The following TEN1 variants were observed in gnomAD, a reference collection of about 807,000 sequenced individuals.
The protein encoded by TEN1 is TEN1 subunit of CST complex.
TEN1 carries 6 observed loss-of-function variants against 9.3 expected under a neutral mutation model. That is an observed-to-expected ratio of 0.65 (90% CI 0.35 to 1.27). The LOEUF is 1.27. Ranked by LOEUF, TEN1 falls within the 50% of genes most tolerant of loss-of-function variation. TEN1 has a pLI of 0.03. For synonymous variants in TEN1, 65 were observed against 65.6 expected (o/e 0.99, Z 0.04); for missense variants, 149 against 158.2 (o/e 0.94, Z 0.31).
rs1354251082 is a variant in TEN1, at chr17:76,000,258, A to G, written c.368A>G (p.Gln123Arg). Reference protein sequence around the residue: ...RLYKQERGGSQ With the variant: ...RLYKQERGGSR ...TACAAGCAGGAGCGGGGCGGCAGCCAGTAGGAAACAGCAGCCTAGCAACAC... is the reference window on the plus strand; with the variant it reads ...TACAAGCAGGAGCGGGGCGGCAGCCGGTAGGAAACAGCAGCCTAGCAACAC... The change falls in exon 4 of 4, where the codon CAG (glutamine) becomes CGG (arginine). Residue 123 changes from glutamine (Q) to arginine (R), a missense_variant. Physicochemically the swap from Gln to Arg is conservative, Grantham distance 43 (BLOSUM62 1). Coordinates refer to ENST00000397640, the MANE Select transcript of TEN1 (RefSeq NM_001113324.3). The surrounding 1 kb of genome is among the most constrained non-coding windows in gnomAD (Gnocchi z 5.9). 1.9e-6 allele frequency: 3 copies of G among 1,551,132 alleles called. No individual in the cohort carries two copies. The highest frequency in any genetic ancestry group is 2.0e-5 in the Admixed American group (1 of 50,970).
intron 1 of TEN1, among the ~76,000 whole-genome samples, chr17:75,980,603 T>G (rs1825339433): frequency 1.3e-5 from 2 of 152,186 alleles, no homozygotes; most frequent in Non-Finnish European, 2.9e-5. Flanking sequence ...AATTGTATTT[T>G]TAGTAGAGAC....
chr17:75,983,008 A>T (rs1487405761), intron 1 of TEN1, among the ~76,000 whole-genome samples: 1 of 149,506 alleles, frequency 6.7e-6, no homozygotes, highest in Non-Finnish European at 1.5e-5. Context: ...AGGCCCGGTG[A>T]GGTGTCTCAC....
rs1247818642 is a variant in TEN1 at position 75,979,447 on chromosome 17, TC to T, written c.-66del. On this transcript the variant is annotated 5_prime_UTR_variant, in exon 1 of 4. Coordinates refer to ENST00000397640, the MANE Select transcript of TEN1 (RefSeq NM_001113324.3). ...TAAAGCACTTTTTGTATCCCGCCCC[TC>T]CCCCGTCACGTGACCACGCGAGGCG... 5.3e-5 allele frequency: 19 copies of T among 356,280 alleles called. No individual in the cohort carries two copies. The highest frequency in any genetic ancestry group is 9.7e-5 in the Non-Finnish European group (18 of 185,106). 22.1% of individuals were successfully genotyped at this position (356,280 alleles called of 1,614,324 possible). A position where few individuals can be genotyped will look rare whatever the true frequency, so the allele number is the denominator to read the frequency against.
intron 1 of TEN1, among the ~76,000 whole-genome samples, chr17:75,980,292 T>C (rs1029772952): frequency 5.3e-5 from 8 of 152,118 alleles, no homozygotes; most frequent in Non-Finnish European, 5.9e-5. Flanking sequence ...TGAGCCAAGA[T>C]TGTGACATTG....
In TEN1 at chr17:75,981,432, T is replaced by C. The variant is rs2066118870; in HGVS notation, c.-7+1921T>C. Among the ~76,000 whole-genome samples, 4 of 152,058 alleles carry C rather than the reference T, an allele frequency of 2.6e-5. No individual in the cohort carries two copies. The South Asian group carries it at 8.3e-4, about 32-fold the overall frequency. ...CAACTCCTGGCCTCATGTGATCCGCTCGCCTCAGCCTTCCAAAGTGCTGAG... is the reference window on the plus strand; with the variant it reads ...CAACTCCTGGCCTCATGTGATCCGCCCGCCTCAGCCTTCCAAAGTGCTGAG... On this transcript the variant is annotated intron_variant, in intron 1 of 3. Transcript: ENST00000397640.
intron 3 of TEN1, among the ~76,000 whole-genome samples, chr17:75,999,280 A>G (rs1313542824): frequency 1.3e-5 from 2 of 152,196 alleles, no homozygotes; most frequent in African/African-American, 4.8e-5. Flanking sequence ...GGTGGAGGCT[A>G]CATTGAGCCA....
intron 3 of TEN1, among the ~76,000 whole-genome samples, chr17:75,998,169 CTT>C (rs1555622204): frequency 2.3e-4 from 31 of 135,644 alleles, no homozygotes; most frequent in Admixed American, 2.2e-4. Context: ...TTTTTTTTTC[CTT>C]TTTTTTTTTT....
intron 3 of TEN1, among the ~76,000 whole-genome samples, chr17:75,999,006 CTTT>C (rs898875760): frequency 6.7e-6 from 1 of 148,268 alleles, no homozygotes; most frequent in African/African-American, 2.5e-5. Context: ...ATTTTTTTAA[CTTT>C]TTTTTTTCTC....
intron 2 of TEN1, 51 bp downstream of exon 2, chr17:75,986,335 C>T (rs2066152393): frequency 7.3e-7 from 1 of 1,371,498 alleles, no homozygotes; most frequent in Admixed American, 2.4e-5. Context: ...TGTTAAATGT[C>T]TTTCTCTACC....
chr17:75,986,312 G>A, intron 2 of TEN1, 28 bp downstream of exon 2: 1 of 1,520,386 alleles, frequency 6.6e-7, no homozygotes, highest in Non-Finnish European at 8.9e-7. Context: ...TTTCACTGGT[G>A]GGGGTGATGA....
At chr17:75,991,209 CA>C (rs1183403330) in intron 2 of TEN1, among the ~76,000 whole-genome samples, 10 of 136,020 alleles carry the variant, frequency 7.4e-5, no homozygotes, top group Non-Finnish European at 3.2e-5. Flanking sequence ...TGATCATCAA[CA>C]AAATTAAAAG....
chr17:75,991,434 A>G, intron 2 of TEN1, 32 bp from the exon 3 acceptor site: 1 of 1,550,448 alleles, frequency 6.4e-7, no homozygotes. Context: ...CTACGTATGG[A>G]TGGAAATTAT....
chr17:75,982,410 A>AT (rs986840994), intron 1 of TEN1, among the ~76,000 whole-genome samples: 8 of 152,112 alleles, frequency 5.3e-5, no homozygotes, highest in South Asian at 2.1e-4. Context: ...TTGTAAGTTG[A>AT]TTTTTTGCAG....
At chr17:75,994,114 A>G (rs1031189206) in intron 3 of TEN1, among the ~76,000 whole-genome samples, 17 of 151,522 alleles carry the variant, frequency 1.1e-4, no homozygotes, top group African/African-American at 3.9e-4. Context: ...TTGCATCACA[A>G]CCTGTTTTTT....
At chr17:75,996,882 A>G (rs1228300815) in intron 3 of TEN1, among the ~76,000 whole-genome samples, 2 of 151,808 alleles carry the variant, frequency 1.3e-5, no homozygotes, top group Non-Finnish European at 2.9e-5. Flanking sequence ...CAAACCACAC[A>G]CCCACAGAGT....
chr17:76,000,247 G>A lies in TEN1; in HGVS notation c.357G>A (p.Arg119=). ...AGCAGAGACTGTACAAGCAGGAGCGGGGCGGCAGCCAGTAGGAAACAGCAG... is the reference window on the plus strand; with the variant it reads ...AGCAGAGACTGTACAAGCAGGAGCGAGGCGGCAGCCAGTAGGAAACAGCAG... ...IREQRLYKQE[R]GGSQ Residue 119 remains arginine, a synonymous_variant, in exon 4 of 4, where the codon CGG becomes CGA. Transcript: ENST00000397640. The surrounding 1 kb of genome is among the most constrained non-coding windows in gnomAD (Gnocchi z 5.9). 1.3e-6 allele frequency: 2 copies of A among 1,551,210 alleles called. No homozygotes were observed. Among genetic ancestry groups the A allele is most frequent in the Admixed American group, 3.9e-5 (2 of 50,984 alleles).
At chr17:75,994,080 T>A (rs2066203890) in intron 3 of TEN1, among the ~76,000 whole-genome samples, 1 of 152,148 alleles carries the variant, frequency 6.6e-6, no homozygotes, top group Admixed American at 6.5e-5. Flanking sequence ...TACCGGGCAC[T>A]GGCTAGTTTA....
intron 2 of TEN1, among the ~76,000 whole-genome samples, chr17:75,988,075 A>AC (rs2066162986): frequency 6.6e-6 from 1 of 151,534 alleles, no homozygotes; most frequent in African/African-American, 2.4e-5. Context: ...CCCCGTCTCT[A>AC]TAAAAAATAC....
rs182762478 is a variant in TEN1 at position 75,998,437 on chromosome 17, C to T, written c.251-1704C>T. Among the ~76,000 whole-genome samples the T allele has an allele frequency of 5.6e-3, 856 of 152,096 alleles. 5 individuals are homozygous for T. The highest frequency in any genetic ancestry group is 6.8e-3 in the Non-Finnish European group (465 of 67,994). ...TTGGGATTACAGTGTTGGGAGCCACCGCGCCACGCCCCGATTCCTCTCTGA... is the reference window on the plus strand; with the variant it reads ...TTGGGATTACAGTGTTGGGAGCCACTGCGCCACGCCCCGATTCCTCTCTGA... On this transcript the variant is annotated intron_variant, in intron 3 of 3. Transcript: ENST00000397640.
Sources: allele counts gnomAD v4.1 joint callset (sites outside exome capture counted in the v4.1 genomes callset), GRCh38; gene constraint gnomAD v4.1.1; non-coding constraint Gnocchi (gnomAD v3.1); transcripts MANE v1.5; gene names NCBI Gene and HGNC (gene_info 2026-07-23, HGNC 2026-07-21).